The following PTPRD variants were observed in gnomAD, a reference collection of about 807,000 sequenced individuals.
PTPRD encodes receptor-type tyrosine-protein phosphatase delta.
A neutral mutation model predicts 214.5 loss-of-function variants in PTPRD; 34 were observed. That is an observed-to-expected ratio of 0.16 (90% CI 0.12 to 0.21). The LOEUF (loss-of-function observed/expected upper bound fraction) is 0.21. PTPRD is among the 10% of genes least tolerant of loss of function. PTPRD has a pLI of 1.00. For synonymous variants in PTPRD, 1,128 were observed against 845.7 expected, an observed-to-expected ratio of 1.33 and a Z score of -5.79; for missense variants, 2,545 against 2,398.7, an observed-to-expected ratio of 1.06 and a Z score of -1.27.
At chr9:10,228,451 G>T (rs2099596508) in intron 3 of PTPRD, among the ~76,000 whole-genome samples, 1 of 151,996 alleles carries the variant, frequency 6.6e-6, no homozygotes, top group South Asian at 2.1e-4. Flanking sequence ...TTGGACATTA[G>T]CCTATTGCTT....
chr9:9,571,747 A>G (rs1005683328), intron 8 of PTPRD, among the ~76,000 whole-genome samples: 1 of 151,004 alleles, frequency 6.6e-6, no homozygotes, highest in Non-Finnish European at 1.5e-5. Context: ...ACAAAATACT[A>G]CATATTGCTT....
chr9:8,779,715 G>C lies in PTPRD; in HGVS notation c.-103-45769C>G, dbSNP rs1427761132. Among the ~76,000 whole-genome samples the C allele has an allele frequency of 2.0e-5, 3 of 151,834 alleles. No individual in the cohort carries two copies. In the South Asian group the frequency reaches 6.2e-4, roughly 32 times the overall value. ...ACAAGCTTCTATGCCTCAGGCTGGCGTTCCACAAACTCAGCCAAATCGTGG... is the reference window on the plus strand; with the variant it reads ...ACAAGCTTCTATGCCTCAGGCTGGCCTTCCACAAACTCAGCCAAATCGTGG... On this transcript the variant is annotated intron_variant, in intron 11 of 45. Transcript: ENST00000381196.
intron 15 of PTPRD, chr9:8,528,334 C>T (rs1468930064): frequency 1.4e-5 from 7 of 487,626 alleles, no homozygotes; most frequent in Non-Finnish European, 2.5e-5. Context: ...TAAAAAATTA[C>T]CAAAAATACA....
chr9:9,062,144 T>A (rs1217140240), intron 10 of PTPRD, among the ~76,000 whole-genome samples: 1 of 152,272 alleles, frequency 6.6e-6, no homozygotes, highest in African/African-American at 2.4e-5. Context: ...AGCATAAAAT[T>A]TTACTTACAC....
intron 35 of PTPRD, among the ~76,000 whole-genome samples, chr9:8,413,714 G>C (rs542350889): frequency 4.4e-4 from 67 of 152,232 alleles, no homozygotes; most frequent in African/African-American, 1.6e-3. Flanking sequence ...GTCTTAGAAA[G>C]TATTTACAAT....
chr9:8,319,806 C>T (rs7873084), intron 45 of PTPRD, 25 bp downstream of exon 45: 349,835 of 1,610,392 alleles, frequency 0.22, 51,214 homozygotes, highest in African/African-American at 0.66. Context: ...TCTTGAGATG[C>T]GAAAAATGCA....
intron 3 of PTPRD, among the ~76,000 whole-genome samples, chr9:10,070,596 G>A (rs759940526): frequency 2.6e-5 from 4 of 151,908 alleles, no homozygotes; most frequent in Admixed American, 2.6e-4. Context: ...CATTTATGGA[G>A]ATCATAAAAT....
chr9:9,741,006 A>T (rs1248091510), intron 6 of PTPRD, among the ~76,000 whole-genome samples: 1 of 152,206 alleles, frequency 6.6e-6, no homozygotes, highest in Non-Finnish European at 1.5e-5. Context: ...GATTTGAGAG[A>T]CTTGATAATG....
intron 3 of PTPRD, among the ~76,000 whole-genome samples, chr9:10,156,446 C>G (rs1246326956): frequency 6.6e-6 from 1 of 152,032 alleles, no homozygotes; most frequent in East Asian, 1.9e-4. Context: ...ATGAGGTTTT[C>G]AGTGATTTCT....
chr9:9,664,661 G>A (rs903320038), intron 7 of PTPRD, among the ~76,000 whole-genome samples: 3 of 151,640 alleles, frequency 2.0e-5, no homozygotes, highest in Non-Finnish European at 4.4e-5. Context: ...AGAATAAATT[G>A]TATCCTTAAT....
rs947322646 is a variant in PTPRD at position 10,406,438 on chromosome 9, G to A, written c.-599-65421C>T. ...CACAGATTTCATAGTATTCATTTGC[G>A]TAAAGAAAAAAGTGAACTGTGTGTA... On this transcript the variant is annotated intron_variant, in intron 2 of 45. Transcript: ENST00000381196. Among the ~76,000 whole-genome samples, 7 of 151,556 alleles carry A rather than the reference G, an allele frequency of 4.6e-5. No individual in the cohort carries two copies. The East Asian group carries it at 5.9e-4, about 13-fold the overall frequency.
At chr9:10,145,345 C>T (rs1400202931) in intron 3 of PTPRD, among the ~76,000 whole-genome samples, 1 of 152,102 alleles carries the variant, frequency 6.6e-6, no homozygotes, top group East Asian at 1.9e-4. Flanking sequence ...TCCGCCACCC[C>T]TGAAATACCA....
intron 3 of PTPRD, among the ~76,000 whole-genome samples, chr9:10,159,544 T>C (rs1373146739): frequency 6.6e-6 from 1 of 152,018 alleles, no homozygotes; most frequent in Non-Finnish European, 1.5e-5. Context: ...CACAAGACAG[T>C]AATATATGAA....
chr9:8,353,701 T>C (rs1401019762), intron 39 of PTPRD, among the ~76,000 whole-genome samples: 2 of 151,784 alleles, frequency 1.3e-5, no homozygotes, highest in African/African-American at 4.8e-5. Context: ...CCCAAAGTGG[T>C]GGGATTACAG....
intron 8 of PTPRD, among the ~76,000 whole-genome samples, chr9:9,399,274 A>C (rs1159399249): frequency 6.6e-6 from 1 of 151,992 alleles, no homozygotes; most frequent in Non-Finnish European, 1.5e-5. Context: ...AAGAGGGAGG[A>C]CTTTATTAGG....
intron 2 of PTPRD, among the ~76,000 whole-genome samples, chr9:10,579,891 C>T (rs2071073934): frequency 6.6e-6 from 1 of 152,076 alleles, no homozygotes; most frequent in South Asian, 2.1e-4. Flanking sequence ...TTGTTGGCCA[C>T]TTGAATGCCT....
chr9:10,431,739 C>T lies in PTPRD; in HGVS notation c.-599-90722G>A, dbSNP rs531700804. Among the ~76,000 whole-genome samples the T allele has an allele frequency of 7.2e-5, 11 of 152,146 alleles. No homozygotes were observed. In the East Asian group the frequency reaches 1.6e-3, roughly 22 times the overall value. On this transcript the variant is annotated intron_variant, in intron 2 of 45. Transcript: ENST00000381196. The stretch of plus-strand genomic sequence containing the variant: ...TGCAAATCAAAACCACAATGAGATA[C>T]CATCTCACACCAGTTAGAATGGCAA...
At chr9:10,186,087 AT>A (rs368759966) in intron 3 of PTPRD, among the ~76,000 whole-genome samples, 30,958 of 148,480 alleles carry the variant, frequency 0.21, 5,282 homozygotes, top group African/African-American at 0.47. Flanking sequence ...AATAAACAAT[AT>A]TTTTTTTTTT....
chr9:9,576,340 C>G (rs1463926833), intron 7 of PTPRD, among the ~76,000 whole-genome samples: 1 of 152,056 alleles, frequency 6.6e-6, no homozygotes, highest in African/African-American at 2.4e-5. Context: ...TAGAGGAAAA[C>G]AAAATATCAC....
Sources: gnomAD v4.1 joint callset for allele counts (sites outside exome capture counted in the v4.1 genomes callset) on GRCh38, gnomAD v4.1.1 for gene constraint, MANE v1.5 for transcripts, NCBI Gene and HGNC (gene_info 2026-07-23, HGNC 2026-07-21) for gene names.